Variants in DYNLL1 observed in about 807,000 individuals in gnomAD.
DYNLL1 encodes the protein dynein light chain 1, cytoplasmic.
Under a neutral mutation model 10.1 loss-of-function variants are expected in DYNLL1, and 3 were observed. The ratio of observed to expected loss-of-function variants is 0.30; its 90% CI spans 0.14 to 0.77. The LOEUF (loss-of-function observed/expected upper bound fraction) is 0.77, where lower values mean the gene tolerates loss of function less well. Ranked by LOEUF, DYNLL1 falls within the 30% of genes least tolerant of loss-of-function variation. The pLI is 0.66. For missense variants in DYNLL1, 47 were observed against 111.7 expected (o/e 0.42, Z 2.61); for synonymous variants, 46 against 41.2 (o/e 1.12, Z -0.45).
chr12:120,484,808 G>A (rs1048283194), intron 1 of DYNLL1, among the ~76,000 whole-genome samples: 1 of 150,558 alleles, frequency 6.6e-6, no homozygotes, highest in African/African-American at 2.4e-5. Flanking sequence ...GCGCAATCTC[G>A]GATCACTGCA....
chr12:120,478,424 T>A (rs374551356), intron 1 of DYNLL1, among the ~76,000 whole-genome samples: 2,255 of 143,030 alleles, frequency 0.016, 25 homozygotes, highest in South Asian at 0.055. Context: ...TTTTTTTTTT[T>A]AAATAGAGAC....
chr12:120,483,048 G>GA (rs1048409367), intron 1 of DYNLL1, among the ~76,000 whole-genome samples: 1 of 150,618 alleles, frequency 6.6e-6, no homozygotes, highest in African/African-American at 2.4e-5. Flanking sequence ...ATCTCTTAAA[G>GA]AAAAAAAAAG....
chr12:120,477,221 G>A (rs950690977), intron 1 of DYNLL1, among the ~76,000 whole-genome samples: 1 of 152,084 alleles, frequency 6.6e-6, no homozygotes, highest in Non-Finnish European at 1.5e-5. Context: ...GAGTTACCAC[G>A]CCCAGCCAAG....
chr12:120,487,945 A>G (rs558840554), intron 1 of DYNLL1, among the ~76,000 whole-genome samples: 3 of 152,312 alleles, frequency 2.0e-5, no homozygotes, highest in East Asian at 3.9e-4. Context: ...TCTTCTCCCT[A>G]TGTTGAGGGA....
chr12:120,471,680 G>C (rs1354749634), intron 1 of DYNLL1, among the ~76,000 whole-genome samples: 4 of 151,814 alleles, frequency 2.6e-5, no homozygotes, highest in South Asian at 2.1e-4. Flanking sequence ...GCGTGATCTC[G>C]GCTCACTGCA....
In DYNLL1 at chr12:120,498,337, G is replaced by T; in HGVS notation, c.*127G>T. The T allele has an allele frequency of 7.9e-7, 1 of 1,263,046 alleles. No homozygotes were observed. The highest frequency in any genetic ancestry group is 2.7e-5 in the Admixed American group (1 of 37,172). The allele number at this position is 1,263,046 out of a possible 1,614,324, so 78.2% of individuals were successfully genotyped here. A position where few individuals can be genotyped will look rare whatever the true frequency, so the allele number is the denominator to read the frequency against. The stretch of plus-strand genomic sequence containing the variant: ...ACATCTCGATGTTTGAACCTTTGTT[G>T]TGTTTTGTACAGGGCATTCTCTGTA... On this transcript the variant is annotated 3_prime_UTR_variant, in exon 3 of 3. Transcript: ENST00000242577.
At chr12:120,477,005 C>T (rs1878769979) in intron 1 of DYNLL1, among the ~76,000 whole-genome samples, 1 of 152,040 alleles carries the variant, frequency 6.6e-6, no homozygotes, top group Non-Finnish European at 1.5e-5. Flanking sequence ...TCTTGGCTCA[C>T]TGCAACCTCT....
At chr12:120,470,772 C>T (rs546506569) in intron 1 of DYNLL1, among the ~76,000 whole-genome samples, 41 of 149,112 alleles carry the variant, frequency 2.7e-4, no homozygotes, top group African/African-American at 9.6e-4. Flanking sequence ...AGGCTGGGTG[C>T]GGTGGCTCAC....
intron 1 of DYNLL1, among the ~76,000 whole-genome samples, chr12:120,477,308 C>T (rs1391460302): frequency 6.6e-6 from 1 of 152,128 alleles, no homozygotes; most frequent in Non-Finnish European, 1.5e-5. Flanking sequence ...GCATCTGGGA[C>T]TTTGGTGGTG....
chr12:120,496,384 C>A (rs561294020), intron 1 of DYNLL1, 32 bp from the exon 2 acceptor site: 16 of 1,612,894 alleles, frequency 9.9e-6, no homozygotes, highest in Non-Finnish European at 1.4e-5. Flanking sequence ...CGCGGCCCAA[C>A]TCAACCCCTT....
chr12:120,478,264 C>T (rs1344749481), intron 1 of DYNLL1, among the ~76,000 whole-genome samples: 31 of 151,656 alleles, frequency 2.0e-4, no homozygotes, highest in Non-Finnish European at 1.0e-4. Flanking sequence ...TGCGCCACCA[C>T]GCCCAGCTAA....
At chr12:120,480,891 C>G (rs1384690652) in intron 1 of DYNLL1, among the ~76,000 whole-genome samples, 1 of 151,978 alleles carries the variant, frequency 6.6e-6, no homozygotes, top group African/African-American at 2.4e-5. Context: ...TCCCGAGTAG[C>G]TGGGACTACA....
At chr12:120,497,811 A>G (rs1358746737) in intron 2 of DYNLL1, 2 of 445,410 alleles carry the variant, frequency 4.5e-6, no homozygotes, top group Admixed American at 7.9e-5. Flanking sequence ...TAATTACCAT[A>G]ATAACAAAAC....
chr12:120,486,174 A>T (rs1878990133), intron 1 of DYNLL1, among the ~76,000 whole-genome samples: 1 of 152,188 alleles, frequency 6.6e-6, no homozygotes, highest in South Asian at 2.1e-4. Flanking sequence ...ATAGCTTTGT[A>T]GTAAAGGTTG....
rs150767905 is a variant in DYNLL1 at position 120,484,892 on chromosome 12, C to T, written c.-6-11524C>T. 2.4e-3 allele frequency among the ~76,000 whole-genome samples: 358 copies of T among 152,310 alleles called. 2 individuals carry two copies. The highest frequency in any genetic ancestry group is 8.0e-3 in the African/African-American group (334 of 41,572). On this transcript the variant is annotated intron_variant, in intron 1 of 2. Transcript: ENST00000392509. Reference sequence around the variant, plus strand: ...CTAAGTAGCCTACAGGCACGCAACACTACACCTGGCTAATTTTTTATATTT... The same window carrying T: ...CTAAGTAGCCTACAGGCACGCAACATTACACCTGGCTAATTTTTTATATTT...
chr12:120,472,177 C>CAA (rs58950474), intron 1 of DYNLL1, among the ~76,000 whole-genome samples: 70 of 148,052 alleles, frequency 4.7e-4, no homozygotes, highest in East Asian at 3.9e-3. Flanking sequence ...CTGCTTGTAA[C>CAA]AAAAAAAAAA....
chr12:120,495,875 G>C (rs759446604), upstream of DYNLL1: 17 of 154,932 alleles, frequency 1.1e-4, no homozygotes, highest in Non-Finnish European at 2.2e-4. Flanking sequence ...CCACCTTCTG[G>C]GTGTGTGGGC....
intron 1 of DYNLL1, among the ~76,000 whole-genome samples, chr12:120,480,095 G>A (rs1202453790): frequency 6.6e-6 from 1 of 152,154 alleles, no homozygotes; most frequent in Non-Finnish European, 1.5e-5. Context: ...GACAGCAGAA[G>A]GGGACAAAGC....
chr12:120,490,772 A>G (rs1456584543), intron 1 of DYNLL1: 2 of 152,186 alleles, frequency 1.3e-5, no homozygotes, highest in Non-Finnish European at 2.9e-5. Context: ...CCTCAAATGC[A>G]TAGGACAGCT....
Sources: gnomAD v4.1 joint callset for allele counts (sites outside exome capture counted in the v4.1 genomes callset) on GRCh38, gnomAD v4.1.1 for gene constraint, MANE v1.5 for transcripts, NCBI Gene and HGNC (gene_info 2026-07-23, HGNC 2026-07-21) for gene names.